Variants in PCDHAC1 observed in about 807,000 individuals in gnomAD.
The protein encoded by PCDHAC1 is protocadherin alpha-C1.
A neutral mutation model predicts 60.0 loss-of-function variants in PCDHAC1; 42 were observed. The ratio of observed to expected loss-of-function variants is 0.70; its 90% confidence interval spans 0.55 to 0.90. PCDHAC1 has a LOEUF of 0.90. Among genes scored for constraint, PCDHAC1 ranks in the 40% least tolerant of loss-of-function variants. The pLI, the probability that PCDHAC1 is intolerant of heterozygous loss-of-function variation, is 0.00. For synonymous variants in PCDHAC1, 468 were observed against 499.3 expected (o/e 0.94, Z 0.84); for missense variants, 1,160 against 1,222.3 (o/e 0.95, Z 0.76).
rs1207415477 is a variant in PCDHAC1 at position 140,980,276 on chromosome 5, T to C, written c.2492+1269T>C. 1.3e-5 allele frequency among the ~76,000 whole-genome samples: 2 copies of C among 152,224 alleles called. 1 individual carries two copies. The highest frequency in any genetic ancestry group is 2.9e-5 in the Non-Finnish European group (2 of 68,040). On this transcript the variant is annotated intron_variant, in intron 2 of 3. Transcript: ENST00000253807. ...AAAGCATGGTTTACAGTACCAACTC[T>C]TGAAAAGTACCAAAGCTATGAGTTG... is the stretch of plus-strand genomic sequence containing the variant.
intron 1 of PCDHAC1, among the ~76,000 whole-genome samples, chr5:140,954,129 G>T (rs1206426573): frequency 6.6e-6 from 1 of 152,160 alleles, no homozygotes; most frequent in Non-Finnish European, 1.5e-5. Context: ...CCTTTTTATG[G>T]ATGCATAGTA....
intron 3 of PCDHAC1, among the ~76,000 whole-genome samples, chr5:141,005,899 A>G (rs2098245270): frequency 6.6e-6 from 1 of 151,978 alleles, no homozygotes; most frequent in East Asian, 1.9e-4. Flanking sequence ...TCAAGCAATG[A>G]TTGCACCACT....
intron 1 of PCDHAC1, among the ~76,000 whole-genome samples, chr5:140,977,149 G>A (rs1484811068): frequency 6.6e-6 from 1 of 152,198 alleles, no homozygotes; most frequent in Non-Finnish European, 1.5e-5. Flanking sequence ...TGCTGGAACT[G>A]TGCCTTTCAG....
chr5:140,941,202 C>CCTTTTCTTCCTTTCTTT (rs2092814043), intron 1 of PCDHAC1, among the ~76,000 whole-genome samples: 1 of 122,742 alleles, frequency 8.1e-6, no homozygotes, highest in Non-Finnish European at 1.8e-5. Flanking sequence ...TTTCTTTCTT[C>CCTTTTCTTCCTTTCTTT]CTTTCTTTCT....
chr5:140,998,220 C>G (rs1554256199), intron 3 of PCDHAC1, among the ~76,000 whole-genome samples: 1 of 152,106 alleles, frequency 6.6e-6, no homozygotes, highest in African/African-American at 2.4e-5. Context: ...ATAACCACAC[C>G]CAGAAATTTG....
At chr5:140,937,824 A>G (rs1229119616) in intron 1 of PCDHAC1, among the ~76,000 whole-genome samples, 1 of 151,696 alleles carries the variant, frequency 6.6e-6, no homozygotes, top group African/African-American at 2.4e-5. Context: ...AGGCAGGAGA[A>G]TGGCATGAAC....
At chr5:140,985,582 C>T (rs2097158950) in intron 3 of PCDHAC1, among the ~76,000 whole-genome samples, 1 of 152,116 alleles carries the variant, frequency 6.6e-6, no homozygotes, top group Admixed American at 6.5e-5. Context: ...CCTAAGCCTC[C>T]TTATACTTGC....
At chr5:140,965,311 T>G (rs1415569065) in intron 1 of PCDHAC1, among the ~76,000 whole-genome samples, 1 of 152,180 alleles carries the variant, frequency 6.6e-6, no homozygotes, top group Non-Finnish European at 1.5e-5. Context: ...TTCTACCTTC[T>G]CTTTTACTGA....
intron 2 of PCDHAC1, among the ~76,000 whole-genome samples, chr5:140,979,642 A>G (rs1364696351): frequency 2.0e-5 from 3 of 152,188 alleles, no homozygotes; most frequent in South Asian, 2.1e-4. Flanking sequence ...ATTAAATATA[A>G]TTTTGCTTTC....
At chr5:140,990,073 G>A (rs559119700) in intron 3 of PCDHAC1, among the ~76,000 whole-genome samples, 6 of 152,178 alleles carry the variant, frequency 3.9e-5, no homozygotes, top group East Asian at 1.9e-4. Context: ...AAATAAGGGG[G>A]ACAAAGGATG....
chr5:140,939,565 A>G (rs560033193), intron 1 of PCDHAC1, among the ~76,000 whole-genome samples: 24 of 152,096 alleles, frequency 1.6e-4, no homozygotes, highest in African/African-American at 5.8e-4. Flanking sequence ...TAGTTTGGTT[A>G]ATCAAAATGG....
At chr5:140,969,865 C>T (rs982289120) in intron 1 of PCDHAC1, among the ~76,000 whole-genome samples, 1 of 152,204 alleles carries the variant, frequency 6.6e-6, no homozygotes. Flanking sequence ...GGTACTTGCA[C>T]TGAACCTATG....
Position 140,978,928 on chromosome 5 carries a change from ACT to A in PCDHAC1, c.2434-16_2434-15del. ...CATTGTCTTGTCATTTTAACAGAAA[ACT>A]CTCTTTGTGATTTTGCAGCCACGAC... On this transcript the variant is annotated intron_variant, in intron 1 of 3. Coordinates refer to ENST00000253807, the MANE Select transcript of PCDHAC1 (RefSeq NM_018898.5). The A allele has an allele frequency of 6.2e-7, 1 of 1,613,190 alleles. No homozygotes were observed. Among genetic ancestry groups the A allele is most frequent in the Admixed American group, 1.7e-5 (1 of 59,890 alleles).
At chr5:140,966,808 A>G (rs782040625) in intron 1 of PCDHAC1, 5 of 1,548,024 alleles carry the variant, frequency 3.2e-6, no homozygotes, top group Non-Finnish European at 4.3e-6. Context: ...CAGAGCATCC[A>G]CGGCTCCGGC....
chr5:140,928,587 C>T lies in PCDHAC1; in HGVS notation c.1695C>T (p.Val565=). 6.2e-7 allele frequency: 1 copy of T among 1,614,228 alleles called. No individual in the cohort carries two copies. ...ILFPLPRNGS[V]PVEIVPRSAR... is the part of the protein sequence containing the mutation. ...TTCCCTTGCCCAGAAATGGTTCTGT[C>T]CCAGTGGAAATTGTGCCCCGCTCTG... Residue 565 remains valine, a synonymous_variant, in exon 1 of 4, where the codon GTC becomes GTT. Transcript: ENST00000253807.
At chr5:141,004,597 C>CTTAG (rs1554259623) in intron 3 of PCDHAC1, among the ~76,000 whole-genome samples, 1 of 152,218 alleles carries the variant, frequency 6.6e-6, no homozygotes, top group African/African-American at 2.4e-5. Flanking sequence ...GATGACAGTG[C>CTTAG]TTAGGCCTCA....
intron 1 of PCDHAC1, among the ~76,000 whole-genome samples, chr5:140,958,627 T>C (rs1183042351): frequency 6.6e-6 from 1 of 152,128 alleles, no homozygotes; most frequent in African/African-American, 2.4e-5. Flanking sequence ...AGCTTGAGAG[T>C]ACTGCAGAAA....
At chr5:140,967,207 T>G (rs376266648) in intron 1 of PCDHAC1, 16 of 1,613,648 alleles carry the variant, frequency 9.9e-6, no homozygotes, top group Non-Finnish European at 1.1e-5. Flanking sequence ...ACTCACCGCG[T>G]TTCCCGCGGC....
In PCDHAC1 at chr5:140,927,516, C is replaced by T. The variant is rs782661477; in HGVS notation, c.624C>T (p.Gly208=). 3.1e-6 allele frequency: 5 copies of T among 1,613,948 alleles called. No homozygotes were observed. The South Asian group carries it at 4.4e-5, about 14-fold the overall frequency. The part of the protein sequence containing the change: ...THLLVLTARD[G]GLPARSGDAQ... Reference sequence around the variant, plus strand: ...TGCTGGTGCTTACAGCTCGGGACGGCGGGCTACCTGCCCGCTCAGGAGACG... The same window carrying T: ...TGCTGGTGCTTACAGCTCGGGACGGTGGGCTACCTGCCCGCTCAGGAGACG... The change falls in exon 1 of 4, where the codon GGC becomes GGT. Residue 208 remains glycine, a synonymous_variant. Transcript: ENST00000253807.
Sources: gnomAD v4.1 joint callset for allele counts (sites outside exome capture counted in the v4.1 genomes callset) on GRCh38, gnomAD v4.1.1 for gene constraint, MANE v1.5 for transcripts, NCBI Gene and HGNC (gene_info 2026-07-23, HGNC 2026-07-21) for gene names.